FAM118B: variants seen among roughly 807,000 people sequenced by gnomAD.
The protein encoded by FAM118B is protein FAM118B.
A neutral mutation model predicts 38.5 loss-of-function variants in FAM118B; 24 were observed. The observed-to-expected ratio is 0.62, with a 90% CI of 0.45 to 0.88. The LOEUF is 0.88. Among genes scored for constraint, FAM118B ranks in the 40% least tolerant of loss-of-function variants. The pLI is 0.00. For missense variants in FAM118B, 334 were observed against 420.0 expected, an observed-to-expected ratio of 0.80 and a Z score of 1.79; for synonymous variants, 138 against 156.3, an observed-to-expected ratio of 0.88 and a Z score of 0.87.
intron 7 of FAM118B, chr11:126,260,496 C>A (rs1220994094): frequency 6.6e-6 from 1 of 151,444 alleles, no homozygotes; most frequent in Non-Finnish European, 1.5e-5. Flanking sequence ...TTTTATATTC[C>A]AGTAGGGGTG....
At chr11:126,216,873 T>C (rs633607) in intron 1 of FAM118B, among the ~76,000 whole-genome samples, 124,773 of 152,268 alleles carry the variant, frequency 0.82, 51,393 homozygotes, top group East Asian at 1. Flanking sequence ...TTTTATTTGC[T>C]GGTAATTTGT....
At chr11:126,214,516 T>TTTTTTTTTG (rs1949952678) in intron 1 of FAM118B, 3 of 92,512 alleles carry the variant, frequency 3.2e-5, no homozygotes, top group African/African-American at 1.1e-4. Context: ...TTTTTTTTGT[T>TTTTTTTTTG]TTTTTTTTTT....
intron 1 of FAM118B, among the ~76,000 whole-genome samples, chr11:126,221,353 A>G (rs777989233): frequency 2.6e-5 from 4 of 152,318 alleles, no homozygotes; most frequent in African/African-American, 4.8e-5. Context: ...TCTGAAGTAT[A>G]TGACAGTTTT....
chr11:126,240,567 G>C (rs1950342737), intron 3 of FAM118B, among the ~76,000 whole-genome samples: 1 of 152,206 alleles, frequency 6.6e-6, no homozygotes, highest in East Asian at 1.9e-4. Flanking sequence ...TTTAAGATTG[G>C]TTTTGGGATT....
chr11:126,218,530 GT>G lies in FAM118B; in HGVS notation c.-77+6709del, dbSNP rs76501668. On this transcript the variant is annotated intron_variant, in intron 1 of 8. Transcript: ENST00000533050. ...CATTCTATGAGGGCAGGGATTTTGG[GT>G]TTTTTTTTGTTTACCTCTATAATTC... is the stretch of plus-strand genomic sequence containing the variant. Among the ~76,000 whole-genome samples, 201 of 151,508 alleles carry G rather than the reference GT, an allele frequency of 1.3e-3. 1 individual carries two copies. Among genetic ancestry groups the G allele is most frequent in the African/African-American group, 4.6e-3 (191 of 41,338 alleles).
chr11:126,251,464 T>G (rs1565338384), intron 5 of FAM118B, among the ~76,000 whole-genome samples: 1 of 152,146 alleles, frequency 6.6e-6, no homozygotes. Context: ...ATACCACTCT[T>G]GTGGTTTTGC....
chr11:126,261,569 T>A lies in FAM118B; in HGVS notation c.1042+85T>A, dbSNP rs1241129097. On this transcript the variant is annotated intron_variant, in intron 8 of 8. Coordinates refer to ENST00000533050, the MANE Select transcript of FAM118B (RefSeq NM_024556.4). ...TGGTTAAGAATATAGAGAATGTTAC[T>A]TTGGACCTCACATTGCCAAATTTTA... The A allele has an allele frequency of 4.3e-6, 5 of 1,171,112 alleles. No homozygotes were observed. The East Asian group carries it at 9.7e-5, about 23-fold the overall frequency. 72.5% of individuals were successfully genotyped at this position (1,171,112 alleles called of 1,614,324 possible). A position where few individuals can be genotyped will look rare whatever the true frequency, so the allele number is the denominator to read the frequency against.
chr11:126,240,632 T>G (rs573786031), intron 3 of FAM118B, among the ~76,000 whole-genome samples, 160 bp from the exon 4 acceptor site: 7 of 152,296 alleles, frequency 4.6e-5, no homozygotes, highest in African/African-American at 1.2e-4. Flanking sequence ...ATATTCTGGT[T>G]GTTTTCTTTA....
At chr11:126,235,685 A>T (rs1950264653) in intron 3 of FAM118B, among the ~76,000 whole-genome samples, 1 of 151,902 alleles carries the variant, frequency 6.6e-6, no homozygotes, top group African/African-American at 2.4e-5. Context: ...TGCCCAGCTA[A>T]TTTTTTTGTA....
Position 126,256,577 on chromosome 11 carries a change from A to T in FAM118B, c.707A>T (p.Gln236Leu), listed in dbSNP as rs200376052. Reference protein sequence around the residue: ...LRNTEVMREIQKLYENKSFLF... With the variant: ...LRNTEVMREILKLYENKSFLF... Reference sequence around the variant, plus strand: ...ATCTTTTCCTTCCAGAGAGAAATTCAGAAACTCTACGAAAACAAGTCATTT... The same window carrying T: ...ATCTTTTCCTTCCAGAGAGAAATTCTGAAACTCTACGAAAACAAGTCATTT... The change falls in exon 7 of 9, where the codon CAG (glutamine) becomes CTG (leucine). Residue 236 changes from glutamine (Q) to leucine (L), a missense_variant. By Grantham distance (113) the Gln-to-Leu change is moderately radical. Around this residue, in one of 3 missense-constraint regions of FAM118B, gnomAD observed 240 missense variants for 295.9 expected, o/e 0.81. Coordinates refer to ENST00000533050, the MANE Select transcript of FAM118B (RefSeq NM_024556.4). This position sits in a 1 kb window ranked among gnomAD's most constrained non-coding sequence, Gnocchi z 6.6. 3 of 1,613,520 alleles carry T rather than the reference A, an allele frequency of 1.9e-6. No individual in the cohort carries two copies. Among genetic ancestry groups the T allele is most frequent in the Non-Finnish European group, 2.5e-6 (3 of 1,179,770 alleles).
At position 126,249,392 on chromosome 11, in the gene FAM118B, T is replaced by G. The variant is rs77396351; in HGVS notation, c.340-1114T>G. 4.6e-3 allele frequency among the ~76,000 whole-genome samples: 696 copies of G among 152,138 alleles called. 4 individuals are homozygous for G. The highest frequency in any genetic ancestry group is 0.015 in the African/African-American group (618 of 41,536). ...ATTATGGCATGTAGAAGTTAAGCAGTTTTTCCTAAATTCATAAACAGCTGT... is the reference window on the plus strand; with the variant it reads ...ATTATGGCATGTAGAAGTTAAGCAGGTTTTCCTAAATTCATAAACAGCTGT... On this transcript the variant is annotated intron_variant, in intron 4 of 8. Transcript: ENST00000533050.
At chr11:126,217,776 T>C (rs1301862074) in intron 1 of FAM118B, among the ~76,000 whole-genome samples, 1 of 152,236 alleles carries the variant, frequency 6.6e-6, no homozygotes, top group Non-Finnish European at 1.5e-5. Flanking sequence ...CTAAGAAGTA[T>C]TTGAATGACC....
intron 7 of FAM118B, chr11:126,260,813 T>C (rs189450232): frequency 6.6e-6 from 1 of 152,412 alleles, no homozygotes; most frequent in Admixed American, 6.5e-5. Context: ...TTTTCTGAAC[T>C]ATTATCTATG....
chr11:126,234,872 AG>A (rs1950251933), intron 2 of FAM118B, 122 bp from the exon 3 acceptor site: 1 of 590,260 alleles, frequency 1.7e-6, no homozygotes, highest in Middle Eastern at 3.1e-4. Flanking sequence ...TCTGTTAAGT[AG>A]GGGGCACCTC....
chr11:126,244,860 G>C lies in FAM118B; in HGVS notation c.339+3816G>C, dbSNP rs542828581. Among the ~76,000 whole-genome samples, 1 of 151,998 alleles carries C rather than the reference G, an allele frequency of 6.6e-6. No homozygotes were observed. Among genetic ancestry groups the C allele is most frequent in the Admixed American group, 6.6e-5 (1 of 15,252 alleles). On this transcript the variant is annotated intron_variant, in intron 4 of 8. Coordinates refer to ENST00000533050, the MANE Select transcript of FAM118B (RefSeq NM_024556.4). This position sits in a 1 kb window ranked among gnomAD's most constrained non-coding sequence, Gnocchi z 4.5. ...CTTTGAAAACTACAAAACACTGAAA[G>C]AAATGAAAGAAGATCTAAATAAATG...
chr11:126,214,012 G>C, intron 1 of FAM118B, among the ~76,000 whole-genome samples: 1 of 152,222 alleles, frequency 6.6e-6, no homozygotes, highest in East Asian at 1.9e-4. Context: ...TCTCCGGTGA[G>C]TCTAGGCACT....
chr11:126,258,633 T>C (rs576378619), intron 7 of FAM118B, among the ~76,000 whole-genome samples: 4 of 152,376 alleles, frequency 2.6e-5, no homozygotes, highest in African/African-American at 9.6e-5. Flanking sequence ...TCTGGTGTCC[T>C]GCAGTGTTCT....
At chr11:126,222,885 G>A (rs1950083182) in intron 1 of FAM118B, among the ~76,000 whole-genome samples, 1 of 152,194 alleles carries the variant, frequency 6.6e-6, no homozygotes, top group African/African-American at 2.4e-5. Context: ...CCCTAGAAGG[G>A]CTTTTATTCT....
intron 4 of FAM118B, among the ~76,000 whole-genome samples, chr11:126,242,432 GAAA>G (rs958138179): frequency 4.9e-5 from 7 of 143,922 alleles, no homozygotes; most frequent in African/African-American, 1.8e-4. Flanking sequence ...TCTACCAAAA[GAAA>G]AAAAAAAGTG....
Sources: gnomAD v4.1 joint callset for allele counts (sites outside exome capture counted in the v4.1 genomes callset) on GRCh38, gnomAD v4.1.1 for gene constraint, gnomAD v4.1.1 regional missense constraint, Gnocchi (gnomAD v3.1) non-coding constraint, MANE v1.5 for transcripts, NCBI Gene and HGNC (gene_info 2026-07-23, HGNC 2026-07-21) for gene names.